XKR6: variants seen among roughly 807,000 people sequenced by gnomAD.
The protein encoded by XKR6 is XK-related protein 6.
In XKR6, 22 loss-of-function variants were observed where a neutral mutation model predicts 56.7. That is an observed-to-expected ratio of 0.39 (90% CI 0.28 to 0.55). XKR6 has a LOEUF of 0.55. Ranked by LOEUF, XKR6 falls within the 20% of genes least tolerant of loss-of-function variation. XKR6 has a pLI of 0.66. For synonymous variants in XKR6, 524 were observed against 387.8 expected (o/e 1.35, Z -4.13); for missense variants, 852 against 889.0 (o/e 0.96, Z 0.53).
chr8:11,052,397 C>T (rs1799573530), intron 1 of XKR6, among the ~76,000 whole-genome samples: 1 of 152,210 alleles, frequency 6.6e-6, no homozygotes, highest in African/African-American at 2.4e-5. Flanking sequence ...TTGTTTATGG[C>T]CTTCCCCACG....
intron 1 of XKR6, among the ~76,000 whole-genome samples, chr8:10,997,197 A>C (rs1047189427): frequency 6.6e-6 from 1 of 152,172 alleles, no homozygotes; most frequent in African/African-American, 2.4e-5. Flanking sequence ...CCTAGCAAAG[A>C]CACACAGAGC....
At chr8:10,967,610 T>A (rs935745020) in intron 1 of XKR6, among the ~76,000 whole-genome samples, 1 of 152,118 alleles carries the variant, frequency 6.6e-6, no homozygotes, top group Admixed American at 6.5e-5. Context: ...CAGGCTCTGA[T>A]CACAGGAAGT....
chr8:10,978,956 A>G (rs1391454924), intron 1 of XKR6, among the ~76,000 whole-genome samples: 2 of 152,036 alleles, frequency 1.3e-5, no homozygotes, highest in Admixed American at 1.3e-4. Context: ...CAGAGACCGT[A>G]CCCTCGGGCA....
intron 1 of XKR6, among the ~76,000 whole-genome samples, chr8:11,033,409 GTGATGA>G (rs140288899): frequency 1.3e-4 from 18 of 142,474 alleles, no homozygotes; most frequent in Admixed American, 7.5e-4. Context: ...GATAGTGATG[GTGATGA>G]TGATGATGAT....
chr8:11,031,258 A>C (rs967455613), intron 1 of XKR6, among the ~76,000 whole-genome samples: 3 of 152,246 alleles, frequency 2.0e-5, no homozygotes, highest in African/African-American at 7.2e-5. Context: ...ACGTGAGAGC[A>C]TGAGGGATAT....
chr8:11,062,586 G>A (rs1799863560), intron 1 of XKR6: 1 of 368,588 alleles, frequency 2.7e-6, no homozygotes, highest in Non-Finnish European at 5.3e-6. Context: ...AAATGCACTA[G>A]CAAGGGAGAG....
intron 1 of XKR6, among the ~76,000 whole-genome samples, chr8:11,090,474 A>T (rs1006169731): frequency 1.1e-4 from 17 of 152,080 alleles, no homozygotes; most frequent in African/African-American, 4.1e-4. Flanking sequence ...AGTCCTGGCA[A>T]TGACACCAGC....
chr8:11,161,703 A>C (rs540247124), intron 1 of XKR6, among the ~76,000 whole-genome samples: 2 of 152,332 alleles, frequency 1.3e-5, no homozygotes, highest in East Asian at 1.9e-4. Context: ...AGTAAATCTT[A>C]CTGATTAGTC....
intron 1 of XKR6, among the ~76,000 whole-genome samples, chr8:11,145,795 T>G (rs894183290): frequency 4.6e-5 from 7 of 152,042 alleles, no homozygotes; most frequent in African/African-American, 1.7e-4. Context: ...ATCTGCTAAC[T>G]CAACACGATC....
intron 1 of XKR6, among the ~76,000 whole-genome samples, chr8:10,939,003 G>C (rs897831618): frequency 6.6e-6 from 1 of 152,156 alleles, no homozygotes; most frequent in Non-Finnish European, 1.5e-5. Flanking sequence ...CAGTGGGGCC[G>C]CAAGAAATCC....
chr8:10,938,355 C>T (rs890097356), intron 1 of XKR6, among the ~76,000 whole-genome samples: 4 of 152,204 alleles, frequency 2.6e-5, no homozygotes, highest in Non-Finnish European at 2.9e-5. Flanking sequence ...AGAAATCCCC[C>T]GTCTTCTGCA....
chr8:11,173,066 T>G (rs1802458741), intron 1 of XKR6, among the ~76,000 whole-genome samples: 1 of 151,962 alleles, frequency 6.6e-6, no homozygotes, highest in Admixed American at 6.6e-5. Flanking sequence ...CCGGGCGCGG[T>G]GGCTCACGCC....
chr8:11,200,529 G>A lies in XKR6; in HGVS notation c.764+47C>T, dbSNP rs750054485. On this transcript the variant is annotated intron_variant, in intron 1 of 2. Transcript: ENST00000416569. The surrounding 1 kb of genome is among the most constrained non-coding windows in gnomAD (Gnocchi z 6.4). ...CCCCGCGAAGCACCGGGAGGGCGGA[G>A]GGGGGCTCCTCAGGGCCGGCCCGCC... 97 of 1,409,436 alleles carry A rather than the reference G, an allele frequency of 6.9e-5. No individual in the cohort carries two copies. In the South Asian group the frequency reaches 1.5e-3, roughly 22 times the overall value. 87.3% of individuals were successfully genotyped at this position (1,409,436 alleles called of 1,614,324 possible).
chr8:11,140,573 C>T (rs996990185), intron 1 of XKR6, among the ~76,000 whole-genome samples: 3 of 152,178 alleles, frequency 2.0e-5, no homozygotes, highest in African/African-American at 7.2e-5. Context: ...ACAGTTATCA[C>T]TAGACAAGGA....
Position 11,156,610 on chromosome 8 carries a change from C to T in XKR6, c.764+43966G>A, listed in dbSNP as rs868041137. Among the ~76,000 whole-genome samples, 5 of 152,172 alleles carry T rather than the reference C, an allele frequency of 3.3e-5. No individual in the cohort carries two copies. In the South Asian group the frequency reaches 8.3e-4, roughly 25 times the overall value. On this transcript the variant is annotated intron_variant, in intron 1 of 2. Transcript: ENST00000416569. ...CCCAAAGAAGTTAAAAATTATTGCC[C>T]CCAAAATTAGCACAGTATCTAACAT...
intron 2 of XKR6, among the ~76,000 whole-genome samples, chr8:10,912,739 T>C (rs913221388): frequency 6.9e-6 from 1 of 145,406 alleles, no homozygotes; most frequent in Admixed American, 6.9e-5. Flanking sequence ...TATATGCACA[T>C]ATATAGAGAG....
chr8:11,072,901 T>C (rs530000642), intron 1 of XKR6, among the ~76,000 whole-genome samples: 5 of 152,202 alleles, frequency 3.3e-5, no homozygotes, highest in Non-Finnish European at 5.9e-5. Flanking sequence ...AATACAAAAA[T>C]TAGCCGGGCG....
intron 1 of XKR6, among the ~76,000 whole-genome samples, chr8:11,183,313 A>G (rs1193036917): frequency 6.6e-6 from 1 of 152,200 alleles, no homozygotes; most frequent in East Asian, 1.9e-4. Context: ...GCCCCATTCC[A>G]CATTCCTATC....
intron 1 of XKR6, chr8:11,105,849 A>C (rs925225268): frequency 2.0e-5 from 3 of 152,220 alleles, no homozygotes; most frequent in Non-Finnish European, 4.4e-5. Flanking sequence ...ATTTTCATAC[A>C]TGGAACACAA....
Sources: allele counts gnomAD v4.1 joint callset (sites outside exome capture counted in the v4.1 genomes callset), GRCh38; gene constraint gnomAD v4.1.1; non-coding constraint Gnocchi (gnomAD v3.1); transcripts MANE v1.5; gene names NCBI Gene and HGNC (gene_info 2026-07-23, HGNC 2026-07-21).